TTC27: variants seen among roughly 807,000 people sequenced by gnomAD.
TTC27 encodes tetratricopeptide repeat protein 27.
A neutral mutation model predicts 115.9 loss-of-function variants in TTC27; 79 were observed. That is an observed-to-expected ratio of 0.68 (90% confidence interval 0.57 to 0.82). The LOEUF is 0.82. TTC27 is among the 40% of genes least tolerant of loss of function. The pLI, the probability that TTC27 is intolerant of heterozygous loss-of-function variation, is 0.00. For synonymous variants in TTC27, 401 were observed against 356.0 expected, an observed-to-expected ratio of 1.13 and a Z score of -1.42; for missense variants, 1,054 against 993.1, an observed-to-expected ratio of 1.06 and a Z score of -0.82.
At chr2:32,755,808 C>T (rs1263104673) in intron 12 of TTC27, among the ~76,000 whole-genome samples, 1 of 152,158 alleles carries the variant, frequency 6.6e-6, no homozygotes, top group Non-Finnish European at 1.5e-5. Flanking sequence ...GGATTTAAAA[C>T]ACTGAGTGTT....
intron 12 of TTC27, among the ~76,000 whole-genome samples, chr2:32,748,546 T>C (rs1472864934): frequency 6.6e-6 from 1 of 152,178 alleles, no homozygotes; most frequent in African/African-American, 2.4e-5. Context: ...TATTGTTCAG[T>C]TGTTTATTTT....
chr2:32,655,002 T>TC lies in TTC27; in HGVS notation c.640+4769_640+4770insC, dbSNP rs1186884608. ...TGAGCCACTGCGTCTGGCCTTTTTT[T>TC]TTTTGAGACAGAGTTTCACTCTGTC... On this transcript the variant is annotated intron_variant, in intron 5 of 19. Coordinates refer to ENST00000317907, the MANE Select transcript of TTC27 (RefSeq NM_017735.5). 4.0e-5 allele frequency among the ~76,000 whole-genome samples: 6 copies of TC among 150,848 alleles called. No individual in the cohort carries two copies. The East Asian group carries it at 1.2e-3, about 30-fold the overall frequency.
chr2:32,792,784 A>G (rs17012295), intron 16 of TTC27, among the ~76,000 whole-genome samples: 4,107 of 152,356 alleles, frequency 0.027, 176 homozygotes, highest in African/African-American at 0.092. Context: ...ACTTTAGGCC[A>G]AGACTTTGAT....
chr2:32,752,665 C>T (rs144414767), intron 12 of TTC27, among the ~76,000 whole-genome samples: 2 of 152,122 alleles, frequency 1.3e-5, no homozygotes, highest in Non-Finnish European at 2.9e-5. Flanking sequence ...ATTTTTATGT[C>T]TGAAGGCAGT....
chr2:32,635,779 GAGA>G (rs927395768), intron 3 of TTC27, among the ~76,000 whole-genome samples: 3 of 152,252 alleles, frequency 2.0e-5, no homozygotes, highest in Admixed American at 6.5e-5. Flanking sequence ...GGGGTAGAAA[GAGA>G]AGAAGTGCAA....
chr2:32,799,640 AT>A (rs1670853763), intron 16 of TTC27, among the ~76,000 whole-genome samples: 1 of 152,214 alleles, frequency 6.6e-6, no homozygotes, highest in South Asian at 2.1e-4. Context: ...ATTTAAAAAT[AT>A]GTGACAAGAT....
intron 10 of TTC27, among the ~76,000 whole-genome samples, chr2:32,714,624 G>A (rs1378480748): frequency 6.6e-6 from 1 of 152,136 alleles, no homozygotes; most frequent in Non-Finnish European, 1.5e-5. Context: ...AGATTGCTGA[G>A]TCTGATGGTA....
At chr2:32,698,906 C>T (rs1312149825) in intron 9 of TTC27, among the ~76,000 whole-genome samples, 1 of 152,224 alleles carries the variant, frequency 6.6e-6, no homozygotes, top group East Asian at 1.9e-4. Flanking sequence ...GTCAGGATAA[C>T]TAGTTATTAT....
chr2:32,639,743 C>T (rs2151862720), intron 3 of TTC27, among the ~76,000 whole-genome samples: 1 of 152,244 alleles, frequency 6.6e-6, no homozygotes, highest in East Asian at 1.9e-4. Flanking sequence ...GAAGCTTTCA[C>T]CTGTAATCCC....
At chr2:32,678,505 G>T (rs955045013) in intron 8 of TTC27, among the ~76,000 whole-genome samples, 1 of 151,848 alleles carries the variant, frequency 6.6e-6, no homozygotes, top group Non-Finnish European at 1.5e-5. Context: ...TCGGCTCACT[G>T]CAAGCTCCGC....
At chr2:32,766,463 C>G (rs1669629717) in intron 13 of TTC27, 2 of 450,940 alleles carry the variant, frequency 4.4e-6, no homozygotes, top group South Asian at 3.3e-5. Context: ...ATTGTTGTGT[C>G]TTAGGGAAGC....
At chr2:32,685,440 C>A (rs1229635485) in intron 9 of TTC27, among the ~76,000 whole-genome samples, 2 of 152,004 alleles carry the variant, frequency 1.3e-5, no homozygotes, top group South Asian at 2.1e-4. Flanking sequence ...TTAGAATTTC[C>A]CTTCTGGCCC....
intron 8 of TTC27, among the ~76,000 whole-genome samples, chr2:32,674,752 TG>T (rs1386290374): frequency 6.6e-6 from 1 of 151,954 alleles, no homozygotes; most frequent in African/African-American, 2.4e-5. Context: ...CTCCACCTTC[TG>T]GGTTCATGCC....
At chr2:32,775,207 T>C (rs61522319) in intron 13 of TTC27, among the ~76,000 whole-genome samples, 1 of 152,318 alleles carries the variant, frequency 6.6e-6, no homozygotes, top group East Asian at 1.9e-4. Flanking sequence ...TGTTTGTTTG[T>C]TTGTTTTTGA....
intron 12 of TTC27, among the ~76,000 whole-genome samples, chr2:32,738,427 GT>G (rs1267237542): frequency 6.6e-6 from 1 of 152,128 alleles, no homozygotes; most frequent in Admixed American, 6.6e-5. Flanking sequence ...TCTACGAGAT[GT>G]TTTTTCTTCA....
intron 10 of TTC27, among the ~76,000 whole-genome samples, chr2:32,724,945 G>A (rs1286944803): frequency 6.6e-6 from 1 of 152,226 alleles, no homozygotes; most frequent in Non-Finnish European, 1.5e-5. Context: ...GCAAGGAGGA[G>A]CAAGTCACAT....
chr2:32,636,829 G>C (rs968485963), intron 3 of TTC27, among the ~76,000 whole-genome samples: 3 of 152,228 alleles, frequency 2.0e-5, no homozygotes, highest in African/African-American at 7.2e-5. Flanking sequence ...AGTGGACCTT[G>C]AGCTAGAACC....
At chr2:32,638,491 G>A (rs1664511833) in intron 3 of TTC27, among the ~76,000 whole-genome samples, 1 of 152,118 alleles carries the variant, frequency 6.6e-6, no homozygotes, top group African/African-American at 2.4e-5. Flanking sequence ...CGATTCTCCT[G>A]CTTCAGCCTC....
intron 10 of TTC27, among the ~76,000 whole-genome samples, chr2:32,719,524 T>C (rs890909870): frequency 2.0e-5 from 3 of 152,156 alleles, no homozygotes; most frequent in African/African-American, 4.8e-5. Flanking sequence ...CTTCTGCATG[T>C]GGTCATAAAG....
Sources: gnomAD v4.1 joint callset for allele counts (sites outside exome capture counted in the v4.1 genomes callset) on GRCh38, gnomAD v4.1.1 for gene constraint, MANE v1.5 for transcripts, NCBI Gene and HGNC (gene_info 2026-07-23, HGNC 2026-07-21) for gene names.